GABRA4: variants seen among roughly 807,000 people sequenced by gnomAD.
GABRA4 encodes the protein gamma-aminobutyric acid type A receptor subunit alpha4.
GABRA4 carries 12 observed loss-of-function variants against 49.7 expected under a neutral mutation model. The observed-to-expected ratio is 0.24, with a 90% confidence interval of 0.15 to 0.39. GABRA4 has a LOEUF of 0.39. GABRA4 is among the 10% of genes least tolerant of loss of function. The probability of loss-of-function intolerance (pLI) is 1.00; values close to 1 mark genes in which losing one functional copy is unlikely to be tolerated. For synonymous variants in GABRA4, 288 were observed against 240.2 expected, an observed-to-expected ratio of 1.20 and a Z score of -1.84; for missense variants, 506 against 686.0, an observed-to-expected ratio of 0.74 and a Z score of 2.93.
chr4:46,965,566 GTGGGATGATCC>G (rs1431549224), intron 7 of GABRA4, among the ~76,000 whole-genome samples: 1 of 151,750 alleles, frequency 6.6e-6, no homozygotes, highest in Non-Finnish European at 1.5e-5. Context: ...GTAGCACACA[GTGGGATGATCC>G]TGGAAACTGA....
chr4:46,951,864 G>C (rs1912960), intron 8 of GABRA4, among the ~76,000 whole-genome samples: 42,411 of 151,188 alleles, frequency 0.28, 6,427 homozygotes, highest in Admixed American at 0.41. Context: ...ACATTAAACT[G>C]ACTGTACTTA....
At chr4:46,978,469 C>A (rs907610123) in intron 3 of GABRA4, among the ~76,000 whole-genome samples, 1 of 151,702 alleles carries the variant, frequency 6.6e-6, no homozygotes, top group Non-Finnish European at 1.5e-5. Context: ...GAGAGGATCA[C>A]CTGAGGTCAG....
At chr4:46,959,909 G>T (rs1428165345) in intron 8 of GABRA4, among the ~76,000 whole-genome samples, 1 of 150,308 alleles carries the variant, frequency 6.7e-6, no homozygotes, top group Non-Finnish European at 1.5e-5. Context: ...AGCAATCCTG[G>T]CATTGAGGAG....
chr4:46,947,335 C>G (rs567439181), intron 8 of GABRA4, among the ~76,000 whole-genome samples: 1 of 152,076 alleles, frequency 6.6e-6, no homozygotes, highest in African/African-American at 2.4e-5. Flanking sequence ...ATATTTTATG[C>G]CGATTTTGGA....
chr4:46,950,735 A>ATAAATAAATAAATAAATAAT (rs1722143316), intron 8 of GABRA4, among the ~76,000 whole-genome samples: 1 of 149,916 alleles, frequency 6.7e-6, no homozygotes, highest in Non-Finnish European at 1.5e-5. Flanking sequence ...AAATAAATAA[A>ATAAATAAATAAATAAATAAT]TAAATAAATA....
At position 46,921,418 on chromosome 4, in the gene GABRA4, C is replaced by T; in HGVS notation, c.*6807G>A. ...AAAGGGAAGCAATCTCAGAGGAAAA[C>T]TCTGGGATTCCCCTATAGAAACTAA... On this transcript the variant is annotated 3_prime_UTR_variant, in exon 9 of 9. Coordinates refer to ENST00000264318, the MANE Select transcript of GABRA4 (RefSeq NM_000809.4). 1 of 152,016 alleles carries T rather than the reference C, an allele frequency of 6.6e-6. No individual in the cohort carries two copies. Among genetic ancestry groups the T allele is most frequent in the African/African-American group, 2.4e-5 (1 of 41,538 alleles). The allele number at this position is 152,016 out of a possible 1,614,324, so 9.4% of individuals were successfully genotyped here. A position where few individuals can be genotyped will look rare whatever the true frequency, so the allele number is the denominator to read the frequency against.
chr4:46,930,841 A>G (rs1721403891), intron 8 of GABRA4, among the ~76,000 whole-genome samples: 1 of 151,986 alleles, frequency 6.6e-6, no homozygotes. Context: ...AAATGCAAAA[A>G]AAAAACCTGT....
rs1329690119 is a variant in GABRA4 at position 46,928,647 on chromosome 4, T to C, written c.1243A>G (p.Thr415Ala). Residue 415 changes from threonine (T) to alanine (A), a missense_variant, in exon 9 of 9, where the codon ACA becomes GCA. Physicochemically the swap from Thr to Ala is moderately conservative, Grantham distance 58 (BLOSUM62 0). Transcript: ENST00000264318. ...EVGNHSSKSSTVVQESSKGTP... is the reference protein window; with the variant it reads ...EVGNHSSKSSAVVQESSKGTP... ...CCTTTAGAAGATTCTTGAACAACTG[T>C]GGAAGATTTGCTTGAATGGTTTCCC... The C allele has an allele frequency of 1.2e-6, 2 of 1,613,664 alleles. No individual in the cohort carries two copies. Among genetic ancestry groups the C allele is most frequent in the Admixed American group, 1.7e-5 (1 of 59,938 alleles).
Position 46,992,865 on chromosome 4 carries a change from G to T in GABRA4, c.168C>A (p.Leu56=). Residue 56 remains leucine, a synonymous_variant, in exon 2 of 9, where the codon CTC becomes CTA. Coordinates refer to ENST00000264318, the MANE Select transcript of GABRA4 (RefSeq NM_000809.4). ...ENFTRILDSL[L]DGYDNRLRPG... Reference sequence around the variant, plus strand: ...GACGCAGCCTGTTGTCATAACCATCGAGCAAACTGTCCAGGATGCGGGTGA... The same window carrying T: ...GACGCAGCCTGTTGTCATAACCATCTAGCAAACTGTCCAGGATGCGGGTGA... The T allele has an allele frequency of 6.2e-7, 1 of 1,613,672 alleles. No homozygotes were observed. The highest frequency in any genetic ancestry group is 8.5e-7 in the Non-Finnish European group (1 of 1,179,938).
chr4:46,952,902 A>G (rs1338104974), intron 8 of GABRA4, among the ~76,000 whole-genome samples: 1 of 152,128 alleles, frequency 6.6e-6, no homozygotes, highest in East Asian at 1.9e-4. Context: ...AAATTTCACC[A>G]ATGGAAATGT....
intron 8 of GABRA4, among the ~76,000 whole-genome samples, chr4:46,945,030 T>G (rs543675700): frequency 6.6e-6 from 1 of 152,256 alleles, no homozygotes; most frequent in South Asian, 2.1e-4. Flanking sequence ...TCATTCTCTC[T>G]TGTATACTCA....
At chr4:46,953,537 A>G (rs1292403694) in intron 8 of GABRA4, among the ~76,000 whole-genome samples, 1 of 152,214 alleles carries the variant, frequency 6.6e-6, no homozygotes, top group Non-Finnish European at 1.5e-5. Flanking sequence ...CTAAATGTTT[A>G]AAATGTCACA....
intron 8 of GABRA4, among the ~76,000 whole-genome samples, chr4:46,942,820 T>A (rs1391978256): frequency 1.3e-5 from 2 of 152,084 alleles, no homozygotes; most frequent in Non-Finnish European, 2.9e-5. Context: ...GGTTTAGCTG[T>A]CAGTTATCAC....
intron 2 of GABRA4, among the ~76,000 whole-genome samples, chr4:46,989,079 G>A (rs368437530): frequency 6.6e-6 from 1 of 152,182 alleles, no homozygotes; most frequent in African/African-American, 2.4e-5. Flanking sequence ...CCATTTCAGA[G>A]AGGTTGTGGA....
chr4:46,926,074 AAACAACAACAACAACAAC>A lies in GABRA4; in HGVS notation c.*2133_*2150del, dbSNP rs140431107. 1.3e-5 allele frequency: 2 copies of A among 149,514 alleles called. No individual in the cohort carries two copies. The highest frequency in any genetic ancestry group is 2.1e-4 in the South Asian group (1 of 4,740). The allele number at this position is 149,514 out of a possible 1,614,324, so 9.3% of individuals were successfully genotyped here. ...GCAAAGAGTAAGAGTTCCTCACCAA[AAACAACAACAACAACAAC>A]AACAACAACAACAAAACCAGCCTTT... On this transcript the variant is annotated 3_prime_UTR_variant, in exon 9 of 9. Coordinates refer to ENST00000264318, the MANE Select transcript of GABRA4 (RefSeq NM_000809.4).
chr4:46,938,727 C>T (rs1309117831), intron 8 of GABRA4, among the ~76,000 whole-genome samples: 2 of 151,952 alleles, frequency 1.3e-5, no homozygotes, highest in Non-Finnish European at 2.9e-5. Flanking sequence ...TTCCATGTTT[C>T]ATCTCTTGTT....
At position 46,919,683 on chromosome 4, in the gene GABRA4, G is replaced by T. The variant is rs1720903060; in HGVS notation, c.*8542C>A. On this transcript the variant is annotated 3_prime_UTR_variant, in exon 9 of 9. Transcript: ENST00000264318. ...ATTCAAGAGAAGAAAGAAGGGAATGGACTTCATATTCCTCAGTTTGTACAA... is the reference window on the plus strand; with the variant it reads ...ATTCAAGAGAAGAAAGAAGGGAATGTACTTCATATTCCTCAGTTTGTACAA... The T allele has an allele frequency of 6.6e-6, 1 of 151,520 alleles. No individual in the cohort carries two copies. The highest frequency in any genetic ancestry group is 1.5e-5 in the Non-Finnish European group (1 of 67,578). 9.4% of individuals were successfully genotyped at this position (151,520 alleles called of 1,614,324 possible). A position where few individuals can be genotyped will look rare whatever the true frequency, so the allele number is the denominator to read the frequency against.
intron 8 of GABRA4, among the ~76,000 whole-genome samples, chr4:46,939,041 T>C (rs1360880085): frequency 2.0e-5 from 3 of 152,054 alleles, no homozygotes; most frequent in Non-Finnish European, 4.4e-5. Flanking sequence ...TAAGCTGAGA[T>C]ATTAGCAACA....
At chr4:46,991,189 GA>G (rs66474766) in intron 2 of GABRA4, among the ~76,000 whole-genome samples, 47,655 of 150,608 alleles carry the variant, frequency 0.32, 7,846 homozygotes, top group Middle Eastern at 0.41. Flanking sequence ...CCATCTCAAA[GA>G]AAAAAAAAGA....
Sources: gnomAD v4.1 joint callset for allele counts (sites outside exome capture counted in the v4.1 genomes callset) on GRCh38, gnomAD v4.1.1 for gene constraint, MANE v1.5 for transcripts, NCBI Gene and HGNC (gene_info 2026-07-23, HGNC 2026-07-21) for gene names.